CFAP20DC: variants seen among roughly 807,000 people sequenced by gnomAD.
CFAP20DC encodes the protein protein CFAP20DC.
In CFAP20DC, 84 loss-of-function variants were observed where a neutral mutation model predicts 101.7. The ratio of observed to expected loss-of-function variants is 0.83; its 90% CI spans 0.69 to 0.99. CFAP20DC has a LOEUF of 0.99. Among genes scored for constraint, CFAP20DC ranks in the 50% least tolerant of loss-of-function variants. The pLI is 0.00. For synonymous variants in CFAP20DC, 359 were observed against 351.2 expected (o/e 1.02, Z -0.25); for missense variants, 1,007 against 970.3 (o/e 1.04, Z -0.50).
intron 4 of CFAP20DC, among the ~76,000 whole-genome samples, chr3:58,989,362 T>C (rs1399068385): frequency 6.6e-6 from 1 of 152,172 alleles, no homozygotes; most frequent in Non-Finnish European, 1.5e-5. Flanking sequence ...ATGCTGTTTT[T>C]AGAATTTTTG....
chr3:58,924,243 G>A (rs2085705527), intron 5 of CFAP20DC, among the ~76,000 whole-genome samples: 1 of 151,848 alleles, frequency 6.6e-6, no homozygotes, highest in Non-Finnish European at 1.5e-5. Context: ...AGCCTCCCCC[G>A]ACTTTTAGAC....
intron 6 of CFAP20DC, among the ~76,000 whole-genome samples, chr3:58,900,550 T>C (rs2083058989): frequency 1.3e-5 from 2 of 152,228 alleles, no homozygotes; most frequent in South Asian, 2.1e-4. Flanking sequence ...TATGGAAACA[T>C]ACAGACTGCC....
chr3:58,915,101 T>G (rs577174976), intron 5 of CFAP20DC, among the ~76,000 whole-genome samples: 1 of 152,210 alleles, frequency 6.6e-6, no homozygotes, highest in Non-Finnish European at 1.5e-5. Flanking sequence ...AGCAGAGTGT[T>G]GAGAAGTTCG....
chr3:58,823,958 T>G (rs1362772563), intron 14 of CFAP20DC, among the ~76,000 whole-genome samples: 1 of 152,162 alleles, frequency 6.6e-6, no homozygotes, highest in Non-Finnish European at 1.5e-5. Flanking sequence ...ACTCTGAGAA[T>G]AAGAAAAGTT....
chr3:58,900,854 G>A (rs140356638), intron 6 of CFAP20DC, among the ~76,000 whole-genome samples: 2 of 152,104 alleles, frequency 1.3e-5, no homozygotes, highest in Admixed American at 1.3e-4. Context: ...CATTCTGTAG[G>A]TGTTTAATAT....
intron 15 of CFAP20DC, among the ~76,000 whole-genome samples, chr3:58,776,191 G>A (rs1464725787): frequency 6.6e-6 from 1 of 152,162 alleles, no homozygotes. Context: ...ATTTTGCTGG[G>A]TTTATAAGCA....
At chr3:58,995,975 A>ATTCTATCT (rs1553760740) in intron 4 of CFAP20DC, among the ~76,000 whole-genome samples, 1 of 145,160 alleles carries the variant, frequency 6.9e-6, no homozygotes, top group Admixed American at 6.9e-5. Context: ...CTGTATAATA[A>ATTCTATCT]ATCTATCTAT....
chr3:58,817,742 C>G (rs1417223059), intron 14 of CFAP20DC, among the ~76,000 whole-genome samples: 1 of 151,628 alleles, frequency 6.6e-6, no homozygotes, highest in Non-Finnish European at 1.5e-5. Context: ...GAGAACTTCC[C>G]CAATCTAGAA....
rs1575512085 is a variant in CFAP20DC, at chr3:58,722,315, C to T, written c.198-4687G>A. Among the ~76,000 whole-genome samples the T allele has an allele frequency of 5.9e-5, 9 of 152,148 alleles. No individual in the cohort carries two copies. In the South Asian group the frequency reaches 1.4e-3, roughly 25 times the overall value. On this transcript the variant is annotated intron_variant, in intron 3 of 3. Coordinates refer to the CFAP20DC transcript ENST00000486145. This position sits in a 1 kb window ranked among gnomAD's most constrained non-coding sequence, Gnocchi z 4.5. ...TCATGAAGCTGAGTTAAGCTGTCCA[C>T]GGAACCCATGCGTGTACTACTATGG...
intron 14 of CFAP20DC, among the ~76,000 whole-genome samples, chr3:58,809,389 T>C (rs1575705660): frequency 6.6e-6 from 1 of 152,056 alleles, no homozygotes; most frequent in Non-Finnish European, 1.5e-5. Flanking sequence ...GAACTCAGGA[T>C]TAAGAAACTC....
Position 58,884,061 on chromosome 3 carries a change from T to C in CFAP20DC, c.715+484A>G, listed in dbSNP as rs542426065. ...CATAAACATTCACGTATCCAGCTCC[T>C]CTTGAAAAAAAATGGGAGATCTGGT... On this transcript the variant is annotated intron_variant, in intron 7 of 16. Coordinates refer to ENST00000482387, the MANE Select transcript of CFAP20DC (RefSeq NM_001394063.1). 1.2e-4 allele frequency among the ~76,000 whole-genome samples: 18 copies of C among 151,946 alleles called. 1 individual carries two copies. In the South Asian group the frequency reaches 3.7e-3, roughly 32 times the overall value.
intron 5 of CFAP20DC, among the ~76,000 whole-genome samples, chr3:58,924,411 TC>T (rs2085725667): frequency 6.6e-6 from 1 of 151,866 alleles, no homozygotes; most frequent in South Asian, 2.1e-4. Flanking sequence ...ATGATTTCAT[TC>T]TTTTTTTATG....
At chr3:58,932,373 C>T (rs941408230) in intron 5 of CFAP20DC, among the ~76,000 whole-genome samples, 3 of 152,134 alleles carry the variant, frequency 2.0e-5, no homozygotes, top group African/African-American at 7.2e-5. Flanking sequence ...AGGAGAACTT[C>T]CCCAATCTAG....
At chr3:58,752,328 G>A (rs1228802933) in intron 16 of CFAP20DC, among the ~76,000 whole-genome samples, 3 of 152,124 alleles carry the variant, frequency 2.0e-5, no homozygotes, top group African/African-American at 2.4e-5. Context: ...CAGGGTGACA[G>A]GCAGAAGGGA....
At chr3:58,839,719 A>G (rs2076972075) in intron 13 of CFAP20DC, among the ~76,000 whole-genome samples, 1 of 152,190 alleles carries the variant, frequency 6.6e-6, no homozygotes, top group Non-Finnish European at 1.5e-5. Flanking sequence ...CATACTTCTG[A>G]TAGCACCTTA....
At chr3:58,769,537 CA>C (rs34359756) in intron 15 of CFAP20DC, among the ~76,000 whole-genome samples, 11 of 151,906 alleles carry the variant, frequency 7.2e-5, no homozygotes, top group Non-Finnish European at 1.3e-4. Context: ...TAGATGAGAG[CA>C]AAAAGATGGG....
At position 58,897,290 on chromosome 3, in the gene CFAP20DC, T is replaced by G. The variant is rs144806172; in HGVS notation, c.551-12581A>C. 2.0e-5 allele frequency among the ~76,000 whole-genome samples: 3 copies of G among 152,208 alleles called. No individual in the cohort carries two copies. In the East Asian group the frequency reaches 5.8e-4, roughly 29 times the overall value. On this transcript the variant is annotated intron_variant, in intron 6 of 16. Coordinates refer to ENST00000482387, the MANE Select transcript of CFAP20DC (RefSeq NM_001394063.1). This position sits in a 1 kb window ranked among gnomAD's most constrained non-coding sequence, Gnocchi z 4.4. ...TATGTGTGTGTCTTTGCACATGAGA[T>G]GGCAGCATACCATGAATCTTGGCTC...
At chr3:58,862,387 G>T (rs1183346438) in intron 12 of CFAP20DC, 6 of 985,392 alleles carry the variant, frequency 6.1e-6, no homozygotes, top group Non-Finnish European at 7.2e-6. Context: ...AGGAACAAAT[G>T]TGTCCAGCAG....
chr3:58,789,193 G>A (rs1241536095), intron 15 of CFAP20DC, among the ~76,000 whole-genome samples: 2 of 152,146 alleles, frequency 1.3e-5, no homozygotes, highest in Non-Finnish European at 2.9e-5. Context: ...TTGTAACTAA[G>A]TCATTAGCAA....
Sources: gnomAD v4.1 joint callset for allele counts (sites outside exome capture counted in the v4.1 genomes callset) on GRCh38, gnomAD v4.1.1 for gene constraint, Gnocchi (gnomAD v3.1) non-coding constraint, MANE v1.5 for transcripts, NCBI Gene and HGNC (gene_info 2026-07-23, HGNC 2026-07-21) for gene names.